Variants in GCN1 observed in about 807,000 individuals in gnomAD.
GCN1 encodes stalled ribosome sensor GCN1.
In GCN1, 90 loss-of-function variants were observed where a neutral mutation model predicts 288.4. The observed-to-expected ratio is 0.31, with a 90% CI of 0.26 to 0.37. The LOEUF (loss-of-function observed/expected upper bound fraction) is 0.37. GCN1 is among the 10% of genes least tolerant of loss of function. The pLI is 1.00. For synonymous variants in GCN1, 1,386 were observed against 1,420.2 expected, an observed-to-expected ratio of 0.98 and a Z score of 0.54; for missense variants, 2,586 against 3,419.9, an observed-to-expected ratio of 0.76 and a Z score of 6.08.
At chr12:120,145,124 T>G (rs1877324083) in intron 39 of GCN1, 63 bp from the exon 40 acceptor site, 2 of 1,604,654 alleles carry the variant, frequency 1.2e-6, no homozygotes, top group Non-Finnish European at 1.7e-6. Flanking sequence ...GGTAGCCACA[T>G]GGGAGCAGGA....
At chr12:120,129,770 T>C (rs1242864579) in intron 56 of GCN1, among the ~76,000 whole-genome samples, 1 of 152,192 alleles carries the variant, frequency 6.6e-6, no homozygotes, top group Admixed American at 6.5e-5. Flanking sequence ...GCTTGGGCCG[T>C]GCTTGCCCCG....
At chr12:120,136,995 G>A (rs1877026291) in intron 50 of GCN1, among the ~76,000 whole-genome samples, 1 of 152,184 alleles carries the variant, frequency 6.6e-6, no homozygotes. Context: ...CTCTGGCCAA[G>A]GTGACCTGCA....
At chr12:120,149,098 G>T (rs529960791) in intron 36 of GCN1, among the ~76,000 whole-genome samples, 5 of 89,754 alleles carry the variant, frequency 5.6e-5, no homozygotes, top group Non-Finnish European at 8.1e-5. Context: ...GAGCTTTCCT[G>T]GGGGGGGAAA....
chr12:120,164,842 C>A (rs1594277657), intron 16 of GCN1, 121 bp from the exon 17 acceptor site: 1 of 595,038 alleles, frequency 1.7e-6, no homozygotes, highest in Middle Eastern at 2.8e-4. Context: ...ATGTGATTAT[C>A]ACTCGAAGTG....
chr12:120,181,943 T>C (rs1475053734), intron 5 of GCN1, among the ~76,000 whole-genome samples: 3 of 151,798 alleles, frequency 2.0e-5, no homozygotes, highest in Admixed American at 6.6e-5. Flanking sequence ...GGTCAGGAGT[T>C]TGAGACTAGC....
rs1877232253 is a variant in GCN1 at position 120,142,570 on chromosome 12, G to A, written c.5766C>T (p.Ile1922=). 5.6e-6 allele frequency: 9 copies of A among 1,614,034 alleles called. No homozygotes were observed. The highest frequency in any genetic ancestry group is 6.8e-6 in the Non-Finnish European group (8 of 1,180,024). The change falls in exon 44 of 58, where the codon ATC becomes ATT. Residue 1922 remains isoleucine, a synonymous_variant. Transcript: ENST00000300648. This position sits in a 1 kb window ranked among gnomAD's most constrained non-coding sequence, Gnocchi z 4.9. ...VSNTPRTLRE[I]LPTLFGLLLG... is the part of the protein sequence containing the mutation. ...GCAGGAGCCCAAAGAGAGTGGGTAG[G>A]ATCTCACGCAAGGTGCGGGGGGTAT... is the stretch of plus-strand genomic sequence containing the variant.
At position 120,127,985 on chromosome 12, in the gene GCN1, G is replaced by A. The variant is rs556191166; in HGVS notation, c.7891-11C>T. 11 of 1,613,788 alleles carry A rather than the reference G, an allele frequency of 6.8e-6. No individual in the cohort carries two copies. The South Asian group carries it at 9.9e-5, about 14-fold the overall frequency. ...GATCTTGGAGAGGGACTGTGGGGAA[G>A]GATGAGCAGGAGGAAACATAGTCAG... On this transcript the variant is annotated splice_polypyrimidine_tract_variant and intron_variant, in intron 57 of 57. Coordinates refer to ENST00000300648, the MANE Select transcript of GCN1 (RefSeq NM_006836.2).
Position 120,161,586 on chromosome 12 carries a change from G to T in GCN1, c.2343-3C>A. The stretch of plus-strand genomic sequence containing the variant: ...TTTTTATGCTGTCCTGCTGGGCACT[G>T]AAACACCAGAGTGGGTCATCAGCCA... On this transcript the variant is annotated splice_polypyrimidine_tract_variant and splice_region_variant and intron_variant, in intron 21 of 57. Transcript: ENST00000300648. The T allele has an allele frequency of 4.4e-6, 7 of 1,607,370 alleles. No individual in the cohort carries two copies. The highest frequency in any genetic ancestry group is 6.0e-6 in the Non-Finnish European group (7 of 1,173,972).
In GCN1 at chr12:120,175,219, A is replaced by G; in HGVS notation, c.1043-7T>C. The G allele has an allele frequency of 6.2e-7, 1 of 1,612,344 alleles. No homozygotes were observed. The highest frequency in any genetic ancestry group is 8.5e-7 in the Non-Finnish European group (1 of 1,178,500). On this transcript the variant is annotated splice_polypyrimidine_tract_variant and splice_region_variant and intron_variant, in intron 11 of 57. Coordinates refer to ENST00000300648, the MANE Select transcript of GCN1 (RefSeq NM_006836.2). The stretch of plus-strand genomic sequence containing the variant: ...GTTAGTTTTCCTTCCGAGCCTGAGA[A>G]GAGAGACAGCAAAGATTCACATTCA...
At position 120,155,409 on chromosome 12, in the gene GCN1, T is replaced by C; in HGVS notation, c.3462A>G (p.Leu1154=). ...LAERLWSMMG[L]DLQPDLCSLL... ...AGGAGCAGAGGTCTGGCTGCAGGTC[T>C]AGGCCCATCATTGACCAGAGCCTGT... Residue 1154 remains leucine, a synonymous_variant, in exon 30 of 58, where the codon CTA becomes CTG. Transcript: ENST00000300648. The surrounding 1 kb of genome is among the most constrained non-coding windows in gnomAD (Gnocchi z 4.9). 6.2e-7 allele frequency: 1 copy of C among 1,613,980 alleles called. No individual in the cohort carries two copies. Among genetic ancestry groups the C allele is most frequent in the Non-Finnish European group, 8.5e-7 (1 of 1,179,994 alleles).
intron 1 of GCN1, among the ~76,000 whole-genome samples, chr12:120,190,789 C>G (rs552793817): frequency 2.6e-5 from 4 of 152,288 alleles, no homozygotes; most frequent in African/African-American, 9.6e-5. Flanking sequence ...CCCTTCAGAA[C>G]TACCCAAAAT....
intron 12 of GCN1, among the ~76,000 whole-genome samples, chr12:120,174,580 C>G (rs1878417387): frequency 6.6e-6 from 1 of 150,968 alleles, no homozygotes; most frequent in Non-Finnish European, 1.5e-5. Context: ...ATCATGAGGT[C>G]AAGATCGAGA....
chr12:120,130,611 GT>G, intron 56 of GCN1, 34 bp downstream of exon 56: 1 of 1,401,500 alleles, frequency 7.1e-7, no homozygotes, highest in South Asian at 1.2e-5. Flanking sequence ...CAAGCCAGGT[GT>G]TAGGGCTTAA....
intron 22 of GCN1, among the ~76,000 whole-genome samples, chr12:120,161,044 GAGA>G (rs1007477990): frequency 6.6e-6 from 1 of 152,192 alleles, no homozygotes; most frequent in African/African-American, 2.4e-5. Flanking sequence ...AGCAAACGCT[GAGA>G]AGGAAAGAGT....
At position 120,151,192 on chromosome 12, in the gene GCN1, G is replaced by A; in HGVS notation, c.4262C>T (p.Ala1421Val). 6.2e-7 allele frequency: 1 copy of A among 1,614,024 alleles called. No individual in the cohort carries two copies. Among genetic ancestry groups the A allele is most frequent in the Non-Finnish European group, 8.5e-7 (1 of 1,180,002 alleles). ...LSLKQQEMMA[A>V]LTDAIQDKKN... is the part of the protein sequence containing the mutation. ...CTTATCTTGGATGGCATCAGTCAGT[G>A]CCGCCATCATCTCCTGTTGCTTCAG... Residue 1421 changes from alanine (A) to valine (V), a missense_variant, in exon 34 of 58, where the codon GCA becomes GTA. Ala to Val is a moderately conservative substitution (Grantham distance 64). Around this residue, in one of 8 missense-constraint regions of GCN1, gnomAD observed 371 missense variants for 572.6 expected, o/e 0.65. Transcript: ENST00000300648.
chr12:120,163,010 C>G, intron 19 of GCN1, 39 bp from the exon 20 acceptor site: 1 of 1,613,710 alleles, frequency 6.2e-7, no homozygotes, highest in Non-Finnish European at 8.5e-7. Context: ...TTCTGCCTGG[C>G]CTGCTCTTAC....
In GCN1 at chr12:120,164,503, C is replaced by T; in HGVS notation, c.1689-8G>A. The T allele has an allele frequency of 1.9e-6, 3 of 1,613,358 alleles. 1 individual carries two copies. The highest frequency in any genetic ancestry group is 2.2e-5 in the South Asian group (2 of 91,018). ...AGAGCCCGGTGGTACTGCCTGCAAG[C>T]ACAGGGACAGACAGGTCTGGGGGAA... is the stretch of plus-strand genomic sequence containing the variant. On this transcript the variant is annotated splice_polypyrimidine_tract_variant and splice_region_variant and intron_variant, in intron 17 of 57. Transcript: ENST00000300648.
chr12:120,160,853 A>G (rs1877902472), intron 22 of GCN1, among the ~76,000 whole-genome samples: 1 of 152,216 alleles, frequency 6.6e-6, no homozygotes. Context: ...GCACATAAAC[A>G]AGATGCTTTT....
chr12:120,180,912 C>A (rs538583373), intron 5 of GCN1, among the ~76,000 whole-genome samples: 15 of 151,746 alleles, frequency 9.9e-5, no homozygotes, highest in Admixed American at 1.3e-4. Context: ...ATGGCGTGAA[C>A]CCGTGAGGCG....
Sources: allele counts gnomAD v4.1 joint callset (sites outside exome capture counted in the v4.1 genomes callset), GRCh38; gene constraint gnomAD v4.1.1; regional missense constraint gnomAD v4.1.1; non-coding constraint Gnocchi (gnomAD v3.1); transcripts MANE v1.5; gene names NCBI Gene and HGNC (gene_info 2026-07-23, HGNC 2026-07-21).